The following HYDIN variants were observed in gnomAD, a reference collection of about 807,000 sequenced individuals.
The protein encoded by HYDIN is HYDIN axonemal central pair apparatus protein, also known as axonemal central pair apparatus protein HYDIN.
Under a neutral mutation model 403.9 loss-of-function variants are expected in HYDIN, and 132 were observed. The observed-to-expected ratio is 0.33, with a 90% CI of 0.28 to 0.38. The LOEUF is 0.38. HYDIN is among the 10% of genes least tolerant of loss of function. The pLI is 1.00. For synonymous variants in HYDIN, 1,202 were observed against 1,891.7 expected (o/e 0.64, Z 9.46); for missense variants, 2,827 against 5,009.5 (o/e 0.56, Z 13.15).
rs144633346 is a variant in HYDIN, at chr16:70,824,994, C to T, written c.14427+2267G>A. Among the ~76,000 whole-genome samples, 437 of 151,890 alleles carry T rather than the reference C, an allele frequency of 2.9e-3. 3 individuals are homozygous for T. Among genetic ancestry groups the T allele is most frequent in the African/African-American group, 9.8e-3 (405 of 41,380 alleles). ...CCTCCTGAGTAGCTGAGACTATAGG[C>T]GCGTGCCAGCCCACCTTGGCCTCCC... On this transcript the variant is annotated intron_variant, in intron 83 of 85. Coordinates refer to ENST00000393567, the MANE Select transcript of HYDIN (RefSeq NM_001270974.2).
chr16:71,044,988 G>A (rs2081406302), intron 18 of HYDIN, among the ~76,000 whole-genome samples: 1 of 151,046 alleles, frequency 6.6e-6, no homozygotes, highest in African/African-American at 2.4e-5. Context: ...TGAATTGAGG[G>A]TCTGTTCTAG....
chr16:70,844,942 T>C (rs1212926775), intron 75 of HYDIN, among the ~76,000 whole-genome samples: 1 of 140,838 alleles, frequency 7.1e-6, no homozygotes, highest in Admixed American at 7.0e-5. Flanking sequence ...GATTTTGGGC[T>C]GAGACGATGG....
intron 58 of HYDIN, among the ~76,000 whole-genome samples, chr16:70,885,852 T>C (rs1412980687): frequency 1.3e-5 from 2 of 152,016 alleles, no homozygotes; most frequent in Non-Finnish European, 2.9e-5. Context: ...TGAAAAGACA[T>C]AAAAACCAAC....
chr16:71,065,873 A>T (rs1437567497), intron 15 of HYDIN, among the ~76,000 whole-genome samples: 2 of 152,208 alleles, frequency 1.3e-5, no homozygotes, highest in East Asian at 3.9e-4. Context: ...TTCTGTTAAG[A>T]GTCAGTGAGT....
intron 18 of HYDIN, among the ~76,000 whole-genome samples, chr16:71,048,063 G>C (rs2081509856): frequency 7.2e-6 from 1 of 138,612 alleles, no homozygotes; most frequent in South Asian, 2.4e-4. Context: ...TTTTCTTTTA[G>C]CTCCCACATA....
intron 8 of HYDIN, among the ~76,000 whole-genome samples, chr16:71,136,820 G>T (rs1227609781): frequency 6.7e-6 from 1 of 149,812 alleles, no homozygotes; most frequent in Non-Finnish European, 1.5e-5. Flanking sequence ...CCTAGTTAGG[G>T]TTATGAAAAG....
At chr16:70,950,744 C>G (rs1250488798) in intron 41 of HYDIN, among the ~76,000 whole-genome samples, 2 of 152,106 alleles carry the variant, frequency 1.3e-5, no homozygotes, top group Non-Finnish European at 2.9e-5. Context: ...CAGGCTATAA[C>G]GAGATCCACC....
At chr16:71,041,707 G>A (rs2081292751) in intron 18 of HYDIN, among the ~76,000 whole-genome samples, 1 of 152,058 alleles carries the variant, frequency 6.6e-6, no homozygotes, top group South Asian at 2.1e-4. Flanking sequence ...TTTAATAGTG[G>A]TTATCTGCAT....
intron 25 of HYDIN, among the ~76,000 whole-genome samples, chr16:70,989,214 C>T (rs2079267728): frequency 6.6e-6 from 1 of 152,118 alleles, no homozygotes; most frequent in Non-Finnish European, 1.5e-5. Flanking sequence ...TGCAGGCGTG[C>T]ACCACCACAC....
chr16:70,899,178 G>T (rs530628016), intron 53 of HYDIN, among the ~76,000 whole-genome samples: 1 of 152,334 alleles, frequency 6.6e-6, no homozygotes, highest in African/African-American at 2.4e-5. Context: ...GGTATGGGGA[G>T]TTGAACTGTG....
At chr16:71,190,044 C>T (rs767636192) in intron 1 of HYDIN, among the ~76,000 whole-genome samples, 5 of 151,938 alleles carry the variant, frequency 3.3e-5, no homozygotes, top group East Asian at 1.9e-4. Flanking sequence ...TACAAGCTTG[C>T]GATGATTTTC....
rs1164347093 is a variant in HYDIN at position 70,805,245 on chromosome 16, A to G, written c.*2335T>C. On this transcript the variant is annotated 3_prime_UTR_variant, in exon 86 of 86. Coordinates refer to ENST00000393567, the MANE Select transcript of HYDIN (RefSeq NM_001270974.2). ...TGGCAAATGTCAAGTTTTGCCAGGT[A>G]CCTTAAAGTAGCACTCTCAGCTGCA... Among the ~76,000 whole-genome samples the G allele has an allele frequency of 6.6e-6, 1 of 152,180 alleles. No individual in the cohort carries two copies. Among genetic ancestry groups the G allele is most frequent in the Non-Finnish European group, 1.5e-5 (1 of 68,024 alleles).
rs572416367 is a variant in HYDIN at position 70,850,696 on chromosome 16, A to C, written c.12444-41T>G. 112 of 1,321,890 alleles carry C rather than the reference A, an allele frequency of 8.5e-5. No homozygotes were observed. The African/African-American group carries it at 1.5e-3, about 18-fold the overall frequency. 81.9% of individuals were successfully genotyped at this position (1,321,890 alleles called of 1,614,324 possible). A position where few individuals can be genotyped will look rare whatever the true frequency, so the allele number is the denominator to read the frequency against. ...AACAGCAGATTACCTGACTAGGCCA[A>C]CTTGTCAAAACCTTAAAAAATATGA... On this transcript the variant is annotated intron_variant, in intron 73 of 85. Coordinates refer to ENST00000393567, the MANE Select transcript of HYDIN (RefSeq NM_001270974.2).
At chr16:70,862,347 C>T (rs555402499) in intron 68 of HYDIN, 92 bp from the exon 69 acceptor site, 49 of 683,910 alleles carry the variant, frequency 7.2e-5, no homozygotes, top group Admixed American at 3.7e-4. Flanking sequence ...GGGCCCTCTG[C>T]GGATATGGTG....
chr16:71,027,290 T>A, intron 20 of HYDIN: 1 of 1,274,016 alleles, frequency 7.8e-7, no homozygotes, highest in South Asian at 1.7e-5. Flanking sequence ...TGCTAAGTGT[T>A]AATAGGAGAA....
chr16:71,143,907 T>C (rs1268026847), intron 7 of HYDIN, among the ~76,000 whole-genome samples: 2 of 152,274 alleles, frequency 1.3e-5, no homozygotes, highest in African/African-American at 4.8e-5. Flanking sequence ...ATATTATGAC[T>C]GTGTGTATAT....
chr16:71,185,560 G>A (rs192447345), intron 2 of HYDIN, among the ~76,000 whole-genome samples: 8 of 152,148 alleles, frequency 5.3e-5, no homozygotes, highest in African/African-American at 1.2e-4. Flanking sequence ...TTTAGACCTC[G>A]CTTTGAAAGA....
intron 6 of HYDIN, among the ~76,000 whole-genome samples, chr16:71,157,896 G>C (rs2085839209): frequency 6.9e-6 from 1 of 145,352 alleles, no homozygotes; most frequent in African/African-American, 2.6e-5. Flanking sequence ...TGGGGACCAG[G>C]GTCACCTGGC....
intron 18 of HYDIN, among the ~76,000 whole-genome samples, chr16:71,043,698 T>C (rs990754911): frequency 6.6e-6 from 1 of 152,080 alleles, no homozygotes; most frequent in African/African-American, 2.4e-5. Context: ...TTGTATTGTA[T>C]TTATTTTCTC....
Sources: allele counts gnomAD v4.1 joint callset (sites outside exome capture counted in the v4.1 genomes callset), GRCh38; gene constraint gnomAD v4.1.1; transcripts MANE v1.5; gene names NCBI Gene and HGNC (gene_info 2026-07-23, HGNC 2026-07-21).